Variants in CERS6 observed in about 807,000 individuals in gnomAD.
CERS6 encodes LAG1 homolog, ceramide synthase 6.
A neutral mutation model predicts 56.8 loss-of-function variants in CERS6; 26 were observed. That is an observed-to-expected ratio of 0.46 (90% CI 0.34 to 0.63). The LOEUF (loss-of-function observed/expected upper bound fraction) is 0.63. CERS6 is among the 30% of genes least tolerant of loss of function. The pLI, the probability that CERS6 is intolerant of heterozygous loss-of-function variation, is 0.01. For missense variants in CERS6, 415 were observed against 467.5 expected (o/e 0.89, Z 1.04); for synonymous variants, 164 against 173.3 (o/e 0.95, Z 0.42).
chr2:168,696,276 C>G (rs1239412374), intron 6 of CERS6, among the ~76,000 whole-genome samples: 1 of 152,076 alleles, frequency 6.6e-6, no homozygotes, highest in Non-Finnish European at 1.5e-5. Flanking sequence ...CTCCAGTAAC[C>G]CTTAGAACCA....
chr2:168,464,751 G>C (rs1013059345), intron 1 of CERS6, among the ~76,000 whole-genome samples: 7 of 150,606 alleles, frequency 4.6e-5, no homozygotes, highest in African/African-American at 1.7e-4. Flanking sequence ...AATTCTGGGT[G>C]AGTGAGACCC....
At chr2:168,556,557 A>G (rs1270750338) in intron 2 of CERS6, among the ~76,000 whole-genome samples, 1 of 152,178 alleles carries the variant, frequency 6.6e-6, no homozygotes, top group African/African-American at 2.4e-5. Flanking sequence ...CTAGCAAGAG[A>G]AAGAAAATAA....
At chr2:168,598,344 G>A (rs1683851087) in intron 3 of CERS6, among the ~76,000 whole-genome samples, 1 of 151,982 alleles carries the variant, frequency 6.6e-6, no homozygotes, top group African/African-American at 2.4e-5. Flanking sequence ...GGGGGGAAGA[G>A]AAAACATATC....
At chr2:168,507,938 T>C (rs988988796) in intron 1 of CERS6, among the ~76,000 whole-genome samples, 5 of 152,210 alleles carry the variant, frequency 3.3e-5, no homozygotes, top group African/African-American at 1.2e-4. Context: ...GCATAGGTAA[T>C]AGTATATTTA....
chr2:168,552,730 A>G (rs559172924), intron 2 of CERS6, among the ~76,000 whole-genome samples: 1 of 152,252 alleles, frequency 6.6e-6, no homozygotes, highest in Admixed American at 6.5e-5. Context: ...TCAGGAGTCC[A>G]TCTCCCTTCA....
chr2:168,526,037 G>A lies in CERS6; in HGVS notation c.171-21559G>A, dbSNP rs147516206. ...GTGTGCTTTCTAATGATGCCCCTAG[G>A]GTTGTGGCTATTTAAGGATTACAAT... On this transcript the variant is annotated intron_variant, in intron 1 of 9. Transcript: ENST00000305747. Among the ~76,000 whole-genome samples the A allele has an allele frequency of 4.2e-3, 638 of 152,196 alleles. 7 individuals are homozygous for A. Among genetic ancestry groups the A allele is most frequent in the South Asian group, 0.018 (89 of 4,812 alleles).
At chr2:168,569,077 G>A (rs969279756) in intron 3 of CERS6, among the ~76,000 whole-genome samples, 1 of 152,136 alleles carries the variant, frequency 6.6e-6, no homozygotes, top group Admixed American at 6.5e-5. Context: ...ACAAAATACC[G>A]CAGACTGTGT....
intron 1 of CERS6, among the ~76,000 whole-genome samples, chr2:168,486,557 G>A (rs1018525525): frequency 8.0e-6 from 1 of 124,434 alleles, no homozygotes; most frequent in African/African-American, 2.9e-5. Context: ...CTGTTTAATT[G>A]TTCCGGAACC....
At chr2:168,547,575 T>C in intron 1 of CERS6, 21 bp from the exon 2 acceptor site, 1 of 1,518,752 alleles carries the variant, frequency 6.6e-7, no homozygotes, top group Non-Finnish European at 9.1e-7. Flanking sequence ...CCTTCTACTT[T>C]TTTCTTTTTG....
At chr2:168,703,585 ACTCC>A (rs954328525) in intron 6 of CERS6, among the ~76,000 whole-genome samples, 2 of 151,654 alleles carry the variant, frequency 1.3e-5, no homozygotes, top group African/African-American at 4.8e-5. Context: ...AAAAAAAGTG[ACTCC>A]CAGGTAGTGC....
intron 1 of CERS6, among the ~76,000 whole-genome samples, chr2:168,460,014 T>G (rs1693750166): frequency 6.6e-6 from 1 of 152,136 alleles, no homozygotes; most frequent in Non-Finnish European, 1.5e-5. Flanking sequence ...TAGTCAAAAC[T>G]TACACTGGGG....
chr2:168,458,352 C>T (rs1693714270), intron 1 of CERS6, among the ~76,000 whole-genome samples: 1 of 152,190 alleles, frequency 6.6e-6, no homozygotes, highest in Admixed American at 6.5e-5. Flanking sequence ...TCCTCCTTCT[C>T]TATGCTGATT....
intron 6 of CERS6, among the ~76,000 whole-genome samples, chr2:168,710,544 C>G (rs138865461): frequency 1.3e-5 from 2 of 152,134 alleles, no homozygotes; most frequent in Admixed American, 6.6e-5. Flanking sequence ...GTAAGCTCTA[C>G]GTTAATGGAT....
intron 1 of CERS6, among the ~76,000 whole-genome samples, chr2:168,474,428 A>G (rs1215713866): frequency 6.6e-6 from 1 of 152,196 alleles, no homozygotes; most frequent in Non-Finnish European, 1.5e-5. Flanking sequence ...TTTCAAGAAA[A>G]ATTATACCAA....
chr2:168,642,327 A>G (rs1685070356), intron 4 of CERS6, among the ~76,000 whole-genome samples: 1 of 152,220 alleles, frequency 6.6e-6, no homozygotes, highest in South Asian at 2.1e-4. Context: ...GGGAGACAGA[A>G]TGAGACCCTG....
At chr2:168,503,841 AT>A (rs1694629184) in intron 1 of CERS6, among the ~76,000 whole-genome samples, 2 of 152,228 alleles carry the variant, frequency 1.3e-5, no homozygotes, top group Non-Finnish European at 2.9e-5. Flanking sequence ...TAAACAAAGC[AT>A]ATAGAAGTTG....
At chr2:168,626,366 T>TG (rs2105290707) in intron 3 of CERS6, among the ~76,000 whole-genome samples, 1 of 152,308 alleles carries the variant, frequency 6.6e-6, no homozygotes, top group East Asian at 1.9e-4. Context: ...CCCCTGCTTC[T>TG]GCTGCCTCTG....
Position 168,701,842 on chromosome 2 carries a change from AAAAAT to A in CERS6, c.609+6801_609+6805del, listed in dbSNP as rs570260371. 1.5e-4 allele frequency among the ~76,000 whole-genome samples: 23 copies of A among 152,274 alleles called. 1 individual carries two copies. In the South Asian group the frequency reaches 3.3e-3, roughly 22 times the overall value. On this transcript the variant is annotated intron_variant, in intron 6 of 9. Coordinates refer to ENST00000305747, the MANE Select transcript of CERS6 (RefSeq NM_203463.3). ...GCAACATAGCAAGACCCTGTTGCTAAAAAATAAAATAAAAATAATTAAAAATAAAA... is the reference window on the plus strand; with the variant it reads ...GCAACATAGCAAGACCCTGTTGCTAAAAAATAAAAATAATTAAAAATAAAA...
At chr2:168,535,277 C>T (rs1035118213) in intron 1 of CERS6, among the ~76,000 whole-genome samples, 6 of 152,232 alleles carry the variant, frequency 3.9e-5, no homozygotes, top group African/African-American at 1.4e-4. Context: ...CAGATTCCAG[C>T]TGAAGGGCTA....
Sources: gnomAD v4.1 joint callset for allele counts (sites outside exome capture counted in the v4.1 genomes callset) on GRCh38, gnomAD v4.1.1 for gene constraint, MANE v1.5 for transcripts, NCBI Gene and HGNC (gene_info 2026-07-23, HGNC 2026-07-21) for gene names.